Variants in AGPAT1 observed in about 807,000 individuals in gnomAD.
AGPAT1 encodes the protein 1-acyl-sn-glycerol-3-phosphate acyltransferase alpha.
Under a neutral mutation model 31.2 loss-of-function variants are expected in AGPAT1, and 6 were observed. The ratio of observed to expected loss-of-function variants is 0.19; its 90% confidence interval spans 0.11 to 0.38. The LOEUF (loss-of-function observed/expected upper bound fraction) is 0.38. Among genes scored for constraint, AGPAT1 ranks in the 10% least tolerant of loss-of-function variants. The pLI, the probability that AGPAT1 is intolerant of heterozygous loss-of-function variation, is 1.00. For synonymous variants in AGPAT1, 139 were observed against 154.0 expected, an observed-to-expected ratio of 0.90 and a Z score of 0.72; for missense variants, 187 against 377.8, an observed-to-expected ratio of 0.49 and a Z score of 4.19.
rs759629949 is a variant in AGPAT1, at chr6:32,169,228, G to A, written c.*48C>T. ...TTCAGGGCCCACTGGGTGGGTAGGT[G>A]TGGGGAGGAAGATGGGGACAGATGG... is the stretch of plus-strand genomic sequence containing the variant. On this transcript the variant is annotated 3_prime_UTR_variant, in exon 7 of 7. Coordinates refer to ENST00000375107, the MANE Select transcript of AGPAT1 (RefSeq NM_006411.4). The surrounding 1 kb of genome is among the most constrained non-coding windows in gnomAD (Gnocchi z 5.9). 1 of 1,595,492 alleles carries A rather than the reference G, an allele frequency of 6.3e-7. No homozygotes were observed. Among genetic ancestry groups the A allele is most frequent in the Non-Finnish European group, 8.6e-7 (1 of 1,167,952 alleles).
Position 32,175,714 on chromosome 6 carries a change from C to T in AGPAT1, c.-10+100G>A. 1 of 597,990 alleles carries T rather than the reference C, an allele frequency of 1.7e-6. No homozygotes were observed. Among genetic ancestry groups the T allele is most frequent in the Non-Finnish European group, 2.1e-6 (1 of 475,614 alleles). The allele number at this position is 597,990 out of a possible 1,614,324, so 37.0% of individuals were successfully genotyped here. On this transcript the variant is annotated intron_variant, in intron 1 of 6. Coordinates refer to ENST00000375107, the MANE Select transcript of AGPAT1 (RefSeq NM_006411.4). This position sits in a 1 kb window ranked among gnomAD's most constrained non-coding sequence, Gnocchi z 4.5. Reference sequence around the variant, plus strand: ...CTCTCCTTTCCCCAGCAACCCTCTCCCCCAGTCGGCCCTCCCAGACCCAAT... The same window carrying T: ...CTCTCCTTTCCCCAGCAACCCTCTCTCCCAGTCGGCCCTCCCAGACCCAAT...
chr6:32,169,306 G>A lies in AGPAT1; in HGVS notation c.822C>T (p.Asp274=). 1 of 1,612,974 alleles carries A rather than the reference G, an allele frequency of 6.2e-7. No homozygotes were observed. The highest frequency in any genetic ancestry group is 1.3e-5 in the African/African-American group (1 of 75,022). The change falls in exon 7 of 7, where the codon GAC becomes GAT. Residue 274 remains aspartate, a synonymous_variant. Transcript: ENST00000375107. The surrounding 1 kb of genome is among the most constrained non-coding windows in gnomAD (Gnocchi z 5.9). ...EISTDGRGGG[D]YLKKPGGGG is the part of the protein sequence containing the mutation. ...CACCGCCCCCAGGCTTCTTCAGATAGTCACCACCACCCCGGCCATCAGTGG... is the reference window on the plus strand; with the variant it reads ...CACCGCCCCCAGGCTTCTTCAGATAATCACCACCACCCCGGCCATCAGTGG...
Position 32,171,359 on chromosome 6 carries a change from G to C in AGPAT1, c.138C>G (p.Leu46=). 1 of 1,613,200 alleles carries C rather than the reference G, an allele frequency of 6.2e-7. No individual in the cohort carries two copies. The highest frequency in any genetic ancestry group is 8.5e-7 in the Non-Finnish European group (1 of 1,180,046). The stretch of plus-strand genomic sequence containing the variant: ...CAGGGATGGCGAGCACAGCCAGGAA[G>C]AGGATCCAGCCATTGTAGAAGGCCA... ...FKMAFYNGWI[L]FLAVLAIPVC... Residue 46 remains leucine, a synonymous_variant, in exon 2 of 7, where the codon CTC becomes CTG. Transcript: ENST00000375107. This position sits in a 1 kb window ranked among gnomAD's most constrained non-coding sequence, Gnocchi z 6.9.
chr6:32,175,296 G>A lies in AGPAT1; in HGVS notation c.-10+518C>T, dbSNP rs1785438019. Among the ~76,000 whole-genome samples the A allele has an allele frequency of 6.6e-6, 1 of 152,142 alleles. No individual in the cohort carries two copies. Among genetic ancestry groups the A allele is most frequent in the Non-Finnish European group, 1.5e-5 (1 of 68,026 alleles). The stretch of plus-strand genomic sequence containing the variant: ...ATTGGGACAACCTAGTTGCACACAA[G>A]CCATTAAACATGTCAAAGGCACACA... On this transcript the variant is annotated intron_variant, in intron 1 of 6. Coordinates refer to ENST00000375107, the MANE Select transcript of AGPAT1 (RefSeq NM_006411.4). The surrounding 1 kb of genome is among the most constrained non-coding windows in gnomAD (Gnocchi z 4.5).
At position 32,169,398 on chromosome 6, in the gene AGPAT1, G is replaced by C; in HGVS notation, c.730C>G (p.Pro244Ala). Residue 244 changes from proline to alanine, a missense_variant, in exon 7 of 7, where the codon CCA becomes GCA. Around this residue, in one of 3 missense-constraint regions of AGPAT1, gnomAD observed 113 missense variants for 283.1 expected, o/e 0.40. Transcript: ENST00000375107. This position sits in a 1 kb window ranked among gnomAD's most constrained non-coding sequence, Gnocchi z 5.9. ...TCAGCCAGAGCTGGGACGTCATCTG[G>C]TGTCAGCCCTTCCGTGGGCACTGGG... Reference protein sequence around the residue: ...LPPVPTEGLTPDDVPALADRV... With the variant: ...LPPVPTEGLTADDVPALADRV... 1 of 1,612,810 alleles carries C rather than the reference G, an allele frequency of 6.2e-7. No homozygotes were observed. Among genetic ancestry groups the C allele is most frequent in the Non-Finnish European group, 8.5e-7 (1 of 1,179,972 alleles).
Position 32,170,706 on chromosome 6 carries a change from G to T in AGPAT1, c.335-106C>A. ...CCCTCTGGTAGGGACTGGAGGTGAA[G>T]GAGGAGACTAGGCAGGGAGGGGGGC... On this transcript the variant is annotated intron_variant, in intron 3 of 6. Transcript: ENST00000375107. This position sits in a 1 kb window ranked among gnomAD's most constrained non-coding sequence, Gnocchi z 7.7. 1 of 1,443,454 alleles carries T rather than the reference G, an allele frequency of 6.9e-7. No individual in the cohort carries two copies. Among genetic ancestry groups the T allele is most frequent in the Non-Finnish European group, 9.6e-7 (1 of 1,044,616 alleles). The allele number at this position is 1,443,454 out of a possible 1,614,324, so 89.4% of individuals were successfully genotyped here. A position where few individuals can be genotyped will look rare whatever the true frequency, so the allele number is the denominator to read the frequency against.
rs1785407371 is a variant in AGPAT1, at chr6:32,174,993, T to A, written c.-10+821A>T. 6.6e-6 allele frequency among the ~76,000 whole-genome samples: 1 copy of A among 152,174 alleles called. No homozygotes were observed. Among genetic ancestry groups the A allele is most frequent in the African/African-American group, 2.4e-5 (1 of 41,430 alleles). On this transcript the variant is annotated intron_variant, in intron 1 of 6. Transcript: ENST00000375107. The surrounding 1 kb of genome is among the most constrained non-coding windows in gnomAD (Gnocchi z 4.5). The stretch of plus-strand genomic sequence containing the variant: ...GAGTGTGGGGTATTCAGCCAAGCCA[T>A]GGGATCCCACACATGAAGACTACTG...
chr6:32,171,616 A>G lies in AGPAT1; in HGVS notation c.-9-111T>C. On this transcript the variant is annotated intron_variant, in intron 1 of 6. Coordinates refer to ENST00000375107, the MANE Select transcript of AGPAT1 (RefSeq NM_006411.4). This position sits in a 1 kb window ranked among gnomAD's most constrained non-coding sequence, Gnocchi z 6.9. ...GGTGCTATGAGGACAAGGGCCTGAG[A>G]CACAAACTGGGGCAGGGGTCTCATT... is the stretch of plus-strand genomic sequence containing the variant. 2 of 1,410,482 alleles carry G rather than the reference A, an allele frequency of 1.4e-6. No homozygotes were observed. The highest frequency in any genetic ancestry group is 1.9e-6 in the Non-Finnish European group (2 of 1,048,854). The allele number at this position is 1,410,482 out of a possible 1,614,324, so 87.4% of individuals were successfully genotyped here.
chr6:32,170,937 C>G lies in AGPAT1; in HGVS notation c.334G>C (p.Gly112Arg). The change falls in exon 3 of 7, where the codon GGG becomes CGG. Residue 112 changes from glycine (G) to arginine (R), a missense_variant and splice_region_variant. Gly to Arg is a moderately radical substitution (Grantham distance 125). Transcript: ENST00000375107. This position sits in a 1 kb window ranked among gnomAD's most constrained non-coding sequence, Gnocchi z 7.7. ...SNHQSSLDLL[G>R]MMEVLPGRCV... ...GGTGTGCCCTGTGGTGGGGTCTCAC[C>G]AAGCAGATCGAGAGAGCTCTGGTGG... The G allele has an allele frequency of 6.2e-7, 1 of 1,610,012 alleles. No individual in the cohort carries two copies. The highest frequency in any genetic ancestry group is 8.5e-7 in the Non-Finnish European group (1 of 1,178,142).
In AGPAT1 at chr6:32,172,630, G is replaced by C. The variant is rs1050282126; in HGVS notation, c.-9-1125C>G. 1.3e-5 allele frequency among the ~76,000 whole-genome samples: 2 copies of C among 152,134 alleles called. No homozygotes were observed. Among genetic ancestry groups the C allele is most frequent in the Non-Finnish European group, 2.9e-5 (2 of 68,024 alleles). On this transcript the variant is annotated intron_variant, in intron 1 of 6. Coordinates refer to ENST00000375107, the MANE Select transcript of AGPAT1 (RefSeq NM_006411.4). The surrounding 1 kb of genome is among the most constrained non-coding windows in gnomAD (Gnocchi z 4.3). ...TCTAGGTTAAATCTAAGCCGCCTGTGTTCCTAACCACTCCATTACGCTGAC... is the reference window on the plus strand; with the variant it reads ...TCTAGGTTAAATCTAAGCCGCCTGTCTTCCTAACCACTCCATTACGCTGAC...
At position 32,172,690 on chromosome 6, in the gene AGPAT1, G is replaced by C. The variant is rs1225871817; in HGVS notation, c.-9-1185C>G. On this transcript the variant is annotated intron_variant, in intron 1 of 6. Transcript: ENST00000375107. This position sits in a 1 kb window ranked among gnomAD's most constrained non-coding sequence, Gnocchi z 4.3. ...TATTGCATATATATATACGAACACA[G>C]CACACAGCATATATGGTGATTGTGA... Among the ~76,000 whole-genome samples the C allele has an allele frequency of 6.6e-6, 1 of 152,122 alleles. No individual in the cohort carries two copies. The highest frequency in any genetic ancestry group is 2.4e-5 in the African/African-American group (1 of 41,418).
chr6:32,177,713 G>A (rs1471363819), upstream of AGPAT1: 1 of 152,172 alleles, frequency 6.6e-6, no homozygotes, highest in Non-Finnish European at 1.5e-5. Flanking sequence ...GGAGGTTGGA[G>A]CCATTTTGAA....
In AGPAT1 at chr6:32,175,819, A is replaced by AG; in HGVS notation, c.-16dup. ...CATCCCTTTCCCGCCCACACCTCAG[A>AG]GGGGTAGGGGGCCTGGGGGGCTGGC... On this transcript the variant is annotated 5_prime_UTR_variant, in exon 1 of 7. Coordinates refer to ENST00000375107, the MANE Select transcript of AGPAT1 (RefSeq NM_006411.4). The surrounding 1 kb of genome is among the most constrained non-coding windows in gnomAD (Gnocchi z 4.5). The AG allele has an allele frequency of 1.0e-6, 1 of 985,318 alleles. No homozygotes were observed. The highest frequency in any genetic ancestry group is 1.2e-6 in the Non-Finnish European group (1 of 829,976). 61.0% of individuals were successfully genotyped at this position (985,318 alleles called of 1,614,324 possible). A position where few individuals can be genotyped will look rare whatever the true frequency, so the allele number is the denominator to read the frequency against.
rs1784808683 is a variant in AGPAT1 at position 32,169,044 on chromosome 6, T to G, written c.*232A>C. ...GTCCCACAGACAAGACAGTAGGAGGTGGGGGTCAAGAGTGGAGACTGCACC... is the reference window on the plus strand; with the variant it reads ...GTCCCACAGACAAGACAGTAGGAGGGGGGGGTCAAGAGTGGAGACTGCACC... On this transcript the variant is annotated 3_prime_UTR_variant, in exon 7 of 7. Transcript: ENST00000375107. This position sits in a 1 kb window ranked among gnomAD's most constrained non-coding sequence, Gnocchi z 5.9. 36 of 535,224 alleles carry G rather than the reference T, an allele frequency of 6.7e-5. No homozygotes were observed. Among genetic ancestry groups the G allele is most frequent in the South Asian group, 2.3e-4 (8 of 35,464 alleles). 33.2% of individuals were successfully genotyped at this position (535,224 alleles called of 1,614,324 possible).
Position 32,172,034 on chromosome 6 carries a change from C to A in AGPAT1, c.-9-529G>T. 1 of 164,420 alleles carries A rather than the reference C, an allele frequency of 6.1e-6. No homozygotes were observed. Among genetic ancestry groups the A allele is most frequent in the South Asian group, 1.5e-4 (1 of 6,464 alleles). 10.2% of individuals were successfully genotyped at this position (164,420 alleles called of 1,614,324 possible). A position where few individuals can be genotyped will look rare whatever the true frequency, so the allele number is the denominator to read the frequency against. On this transcript the variant is annotated intron_variant, in intron 1 of 6. Transcript: ENST00000375107. This position sits in a 1 kb window ranked among gnomAD's most constrained non-coding sequence, Gnocchi z 4.3. Reference sequence around the variant, plus strand: ...TACATTTTGAAATTATAATCTTGGGCCGGGCGCAGTGGCTCACGCCTGTAA... The same window carrying A: ...TACATTTTGAAATTATAATCTTGGGACGGGCGCAGTGGCTCACGCCTGTAA...
At position 32,173,186 on chromosome 6, in the gene AGPAT1, C is replaced by G. The variant is rs1306410021; in HGVS notation, c.-9-1681G>C. On this transcript the variant is annotated intron_variant, in intron 1 of 6. Coordinates refer to ENST00000375107, the MANE Select transcript of AGPAT1 (RefSeq NM_006411.4). This position sits in a 1 kb window ranked among gnomAD's most constrained non-coding sequence, Gnocchi z 4.7. ...TTCTTCCTCCTTCCTCCACTCTGCC[C>G]CAGTGTTGGGGGCAGGGTAACAATT... The G allele has an allele frequency of 6.6e-6, 1 of 152,194 alleles. No individual in the cohort carries two copies. Among genetic ancestry groups the G allele is most frequent in the African/African-American group, 2.4e-5 (1 of 41,428 alleles). The allele number at this position is 152,194 out of a possible 1,614,324, so 9.4% of individuals were successfully genotyped here.
chr6:32,175,969 GGTGGGA>G lies in AGPAT1; in HGVS notation c.-171_-166del. ...TCCTAGCCCCGGCCGATGGAGGGGAGGTGGGAGTGGGAGGTTGGGCCCATAGCGGTA... is the reference window on the plus strand; with the variant it reads ...TCCTAGCCCCGGCCGATGGAGGGGAGGTGGGAGGTTGGGCCCATAGCGGTA... On this transcript the variant is annotated 5_prime_UTR_variant, in exon 1 of 7. Coordinates refer to ENST00000375107, the MANE Select transcript of AGPAT1 (RefSeq NM_006411.4). This position sits in a 1 kb window ranked among gnomAD's most constrained non-coding sequence, Gnocchi z 4.5. The G allele has an allele frequency of 1.0e-6, 1 of 985,640 alleles. No individual in the cohort carries two copies. The highest frequency in any genetic ancestry group is 1.2e-6 in the Non-Finnish European group (1 of 830,112). 61.1% of individuals were successfully genotyped at this position (985,640 alleles called of 1,614,324 possible). A position where few individuals can be genotyped will look rare whatever the true frequency, so the allele number is the denominator to read the frequency against.
chr6:32,169,391 T>C lies in AGPAT1; in HGVS notation c.737A>G (p.Asp246Gly). 1.2e-6 allele frequency: 2 copies of C among 1,612,804 alleles called. No individual in the cohort carries two copies. The highest frequency in any genetic ancestry group is 1.7e-6 in the Non-Finnish European group (2 of 1,179,968). Residue 246 changes from aspartate to glycine, a missense_variant, in exon 7 of 7, where the codon GAC becomes GGC. Coordinates refer to ENST00000375107, the MANE Select transcript of AGPAT1 (RefSeq NM_006411.4). This position sits in a 1 kb window ranked among gnomAD's most constrained non-coding sequence, Gnocchi z 5.9. ...GACTCTGTCAGCCAGAGCTGGGACG[T>C]CATCTGGTGTCAGCCCTTCCGTGGG... ...PVPTEGLTPD[D>G]VPALADRVRH... is the part of the protein sequence containing the mutation.
Position 32,170,879 on chromosome 6 carries a change from G to A in AGPAT1, c.334+58C>T. 6.4e-7 allele frequency: 1 copy of A among 1,572,876 alleles called. No homozygotes were observed. The highest frequency in any genetic ancestry group is 8.7e-7 in the Non-Finnish European group (1 of 1,153,426). ...GATCTCTAGGAGAAGATATTCTAGG[G>A]AAGGTTTCAGGAGGGGAGGCATGGC... is the stretch of plus-strand genomic sequence containing the variant. On this transcript the variant is annotated intron_variant, in intron 3 of 6. Transcript: ENST00000375107. The surrounding 1 kb of genome is among the most constrained non-coding windows in gnomAD (Gnocchi z 7.7).
Sources: gnomAD v4.1 joint callset for allele counts (sites outside exome capture counted in the v4.1 genomes callset) on GRCh38, gnomAD v4.1.1 for gene constraint, gnomAD v4.1.1 regional missense constraint, Gnocchi (gnomAD v3.1) non-coding constraint, MANE v1.5 for transcripts, NCBI Gene and HGNC (gene_info 2026-07-23, HGNC 2026-07-21) for gene names.